The following CDH13 variants were observed in gnomAD, a reference collection of about 807,000 sequenced individuals.
CDH13 encodes the protein cadherin-13.
In CDH13, 24 loss-of-function variants were observed where a neutral mutation model predicts 63.8. The observed-to-expected ratio is 0.38, with a 90% CI of 0.27 to 0.53. The LOEUF (loss-of-function observed/expected upper bound fraction) is 0.53, where lower values mean the gene tolerates loss of function less well. Among genes scored for constraint, CDH13 ranks in the 20% least tolerant of loss-of-function variants. The pLI, the probability that CDH13 is intolerant of heterozygous loss-of-function variation, is 0.85. For synonymous variants in CDH13, 503 were observed against 355.3 expected (o/e 1.42, Z -4.67); for missense variants, 1,049 against 903.1 (o/e 1.16, Z -2.07).
intron 7 of CDH13, among the ~76,000 whole-genome samples, chr16:83,495,285 G>C (rs532437024): frequency 6.6e-6 from 1 of 152,302 alleles, no homozygotes; most frequent in African/African-American, 2.4e-5. Flanking sequence ...AGGACAACTG[G>C]AGGAGGGTGT....
chr16:82,725,877 C>T (rs1310517168), intron 1 of CDH13, among the ~76,000 whole-genome samples: 2 of 152,106 alleles, frequency 1.3e-5, no homozygotes, highest in Non-Finnish European at 1.5e-5. Flanking sequence ...TCTCCAGTTA[C>T]CTTTCTGTTC....
intron 2 of CDH13, among the ~76,000 whole-genome samples, chr16:82,957,553 T>C (rs1216773765): frequency 3.3e-5 from 5 of 152,178 alleles, no homozygotes; most frequent in African/African-American, 7.2e-5. Context: ...CCATAACATG[T>C]ACACGCCCCC....
intron 1 of CDH13, among the ~76,000 whole-genome samples, chr16:82,633,884 T>C (rs1015530295): frequency 1.3e-5 from 2 of 152,188 alleles, no homozygotes; most frequent in African/African-American, 4.8e-5. Context: ...TGATTCTTGT[T>C]TTCCATAGCT....
intron 1 of CDH13, among the ~76,000 whole-genome samples, chr16:82,643,608 C>T (rs929885815): frequency 2.3e-4 from 35 of 152,194 alleles, no homozygotes; most frequent in African/African-American, 4.1e-4. Context: ...GGGTTCTTCA[C>T]GTTTGTTTTG....
chr16:82,992,404 TA>T (rs1296615672), intron 2 of CDH13, among the ~76,000 whole-genome samples: 2 of 152,196 alleles, frequency 1.3e-5, no homozygotes, highest in African/African-American at 4.8e-5. Flanking sequence ...TGTGTATATA[TA>T]AAAAATATCT....
At chr16:82,940,782 T>C (rs571803670) in intron 2 of CDH13, among the ~76,000 whole-genome samples, 1 of 152,278 alleles carries the variant, frequency 6.6e-6, no homozygotes, top group East Asian at 1.9e-4. Flanking sequence ...CAAATGCTGG[T>C]GTTTAAAGGG....
intron 7 of CDH13, among the ~76,000 whole-genome samples, chr16:83,516,732 G>T (rs190007408): frequency 3.9e-5 from 6 of 152,316 alleles, no homozygotes; most frequent in Admixed American, 3.3e-4. Flanking sequence ...AAAAAAGCCA[G>T]CTGCCTCCCC....
At position 83,582,633 on chromosome 16, in the gene CDH13, G is replaced by C. The variant is rs149357600; in HGVS notation, c.961-19821G>C. ...GCCTGAGTGGCCAGGTCTCTCAGGA[G>C]TGGAGACATTCACTTCCCAGCCGTG... is the stretch of plus-strand genomic sequence containing the variant. On this transcript the variant is annotated intron_variant, in intron 7 of 13. Coordinates refer to ENST00000567109, the MANE Select transcript of CDH13 (RefSeq NM_001257.5). Among the ~76,000 whole-genome samples the C allele has an allele frequency of 2.9e-3, 441 of 152,290 alleles. 1 individual carries two copies. Among genetic ancestry groups the C allele is most frequent in the African/African-American group, 0.01 (417 of 41,550 alleles).
At chr16:83,319,026 A>G (rs1014664906) in intron 5 of CDH13, among the ~76,000 whole-genome samples, 3 of 151,148 alleles carry the variant, frequency 2.0e-5, no homozygotes, top group African/African-American at 4.8e-5. Flanking sequence ...AAATATATAT[A>G]TAACATATAT....
chr16:83,431,523 T>C (rs1478615276), intron 6 of CDH13, among the ~76,000 whole-genome samples: 1 of 151,970 alleles, frequency 6.6e-6, no homozygotes, highest in African/African-American at 2.4e-5. Context: ...GATGGGTAAT[T>C]TATAAAAAAT....
At chr16:83,662,408 A>G (rs1295282815) in intron 8 of CDH13, among the ~76,000 whole-genome samples, 2 of 152,248 alleles carry the variant, frequency 1.3e-5, no homozygotes, top group Non-Finnish European at 2.9e-5. Context: ...TCCGTAGAAG[A>G]AATTAATGTT....
rs573505508 is a variant in CDH13 at position 83,074,818 on chromosome 16, T to C, written c.366+42600T>C. 5.3e-5 allele frequency among the ~76,000 whole-genome samples: 8 copies of C among 152,322 alleles called. No homozygotes were observed. The South Asian group carries it at 1.4e-3, about 28-fold the overall frequency. On this transcript the variant is annotated intron_variant, in intron 3 of 13. Transcript: ENST00000567109. ...AAGTGAGTTCCTGATAAATAGTCCA[T>C]ATTTTACCTCAGGTCTTCTGATTCC...
At chr16:82,805,430 GC>G (rs1310668419) in intron 1 of CDH13, among the ~76,000 whole-genome samples, 1 of 152,136 alleles carries the variant, frequency 6.6e-6, no homozygotes, top group African/African-American at 2.4e-5. Context: ...GCTGGTTCAA[GC>G]TTTCAGTGAA....
intron 7 of CDH13, among the ~76,000 whole-genome samples, chr16:83,497,046 C>A (rs538286758): frequency 6.6e-6 from 1 of 152,168 alleles, no homozygotes; most frequent in Non-Finnish European, 1.5e-5. Flanking sequence ...AATAGGAACG[C>A]TTTTACACTG....
chr16:83,773,824 G>A (rs982085020), intron 11 of CDH13, among the ~76,000 whole-genome samples: 1 of 152,104 alleles, frequency 6.6e-6, no homozygotes, highest in Non-Finnish European at 1.5e-5. Context: ...TGAGCCACAG[G>A]CTCCAACACT....
intron 7 of CDH13, among the ~76,000 whole-genome samples, chr16:83,563,997 C>T (rs1284351118): frequency 6.6e-6 from 1 of 152,104 alleles, no homozygotes; most frequent in Admixed American, 6.5e-5. Flanking sequence ...ACAACCTTAA[C>T]CATTAGTTTC....
intron 7 of CDH13, among the ~76,000 whole-genome samples, chr16:83,557,339 A>T (rs946308023): frequency 6.6e-6 from 1 of 152,180 alleles, no homozygotes; most frequent in Non-Finnish European, 1.5e-5. Flanking sequence ...TAATAATAGA[A>T]ATAAAGTGCA....
chr16:82,845,157 A>T (rs1261887930), intron 1 of CDH13, among the ~76,000 whole-genome samples: 1 of 152,084 alleles, frequency 6.6e-6, no homozygotes, highest in African/African-American at 2.4e-5. Context: ...ATATTAAGGA[A>T]TCCTTGAGCT....
At chr16:83,232,553 CAAA>C (rs869051890) in intron 5 of CDH13, among the ~76,000 whole-genome samples, 1 of 102,446 alleles carries the variant, frequency 9.8e-6, no homozygotes, top group Admixed American at 9.8e-5. Flanking sequence ...AACAAACAAA[CAAA>C]AAAAAAAAAA....
Sources: gnomAD v4.1 joint callset for allele counts (sites outside exome capture counted in the v4.1 genomes callset) on GRCh38, gnomAD v4.1.1 for gene constraint, MANE v1.5 for transcripts, NCBI Gene and HGNC (gene_info 2026-07-23, HGNC 2026-07-21) for gene names.